The following TMEM132C variants were observed in gnomAD, a reference collection of about 807,000 sequenced individuals.
TMEM132C encodes the protein transmembrane protein 132C, also known as protein phosphatase 1, regulatory subunit 152.
TMEM132C carries 29 observed loss-of-function variants against 61.4 expected under a neutral mutation model. The observed-to-expected ratio is 0.47, with a 90% CI of 0.35 to 0.64. The LOEUF is 0.64. Among genes scored for constraint, TMEM132C ranks in the 30% least tolerant of loss-of-function variants. TMEM132C has a pLI of 0.00. For synonymous variants in TMEM132C, 656 were observed against 633.1 expected, an observed-to-expected ratio of 1.04 and a Z score of -0.54; for missense variants, 1,408 against 1,476.9, an observed-to-expected ratio of 0.95 and a Z score of 0.76.
intron 3 of TMEM132C, among the ~76,000 whole-genome samples, chr12:128,567,676 C>T (rs1565976473): frequency 1.3e-5 from 2 of 152,080 alleles, no homozygotes; most frequent in African/African-American, 4.8e-5. Context: ...TTCTGCTCTC[C>T]TCCACTGGAG....
intron 2 of TMEM132C, among the ~76,000 whole-genome samples, chr12:128,490,885 G>A (rs750053005): frequency 2.6e-5 from 4 of 152,168 alleles, no homozygotes; most frequent in Non-Finnish European, 4.4e-5. Flanking sequence ...TTTCTTTAGT[G>A]ATTACCCTCT....
At chr12:128,302,564 C>A (rs1322050404) in intron 1 of TMEM132C, among the ~76,000 whole-genome samples, 2 of 152,186 alleles carry the variant, frequency 1.3e-5, no homozygotes, top group African/African-American at 4.8e-5. Flanking sequence ...TAAAAGAGAT[C>A]ATGTAGCTCT....
intron 1 of TMEM132C, among the ~76,000 whole-genome samples, chr12:128,296,824 C>T (rs903284489): frequency 6.6e-6 from 1 of 152,096 alleles, no homozygotes; most frequent in African/African-American, 2.4e-5. Flanking sequence ...TTTAAAACAT[C>T]AGGGTTTGAT....
At chr12:128,399,013 G>T (rs576942687) in intron 1 of TMEM132C, among the ~76,000 whole-genome samples, 1 of 152,308 alleles carries the variant, frequency 6.6e-6, no homozygotes, top group South Asian at 2.1e-4. Flanking sequence ...ATCTTCTGGT[G>T]TATTCTTTTC....
At chr12:128,661,601 A>G (rs918162386) in intron 4 of TMEM132C, among the ~76,000 whole-genome samples, 6 of 151,910 alleles carry the variant, frequency 3.9e-5, no homozygotes, top group African/African-American at 1.2e-4. Flanking sequence ...ACATGGAGGG[A>G]TTCAGTTATT....
At chr12:128,427,416 G>GTA (rs1253513667) in intron 2 of TMEM132C, among the ~76,000 whole-genome samples, 117 of 90,432 alleles carry the variant, frequency 1.3e-3, no homozygotes, top group African/African-American at 3.6e-3. Flanking sequence ...GTGTGTGTGT[G>GTA]TGTGTGTGTG....
chr12:128,555,507 C>T (rs769525083), intron 3 of TMEM132C, among the ~76,000 whole-genome samples: 4 of 152,186 alleles, frequency 2.6e-5, no homozygotes, highest in African/African-American at 4.8e-5. Context: ...TCCCACTCCA[C>T]ACACGCAAAA....
intron 3 of TMEM132C, among the ~76,000 whole-genome samples, chr12:128,553,618 T>C (rs1459343269): frequency 2.6e-5 from 4 of 152,194 alleles, no homozygotes; most frequent in Admixed American, 2.6e-4. Flanking sequence ...ACCTGGGTTG[T>C]TTGTTCTCAG....
intron 4 of TMEM132C, among the ~76,000 whole-genome samples, chr12:128,620,067 CAAAAAAA>C (rs1953947286): frequency 2.0e-5 from 3 of 151,480 alleles, no homozygotes; most frequent in Admixed American, 1.3e-4. Context: ...CTCATTTCTA[CAAAAAAA>C]TACCAAAATT....
intron 3 of TMEM132C, among the ~76,000 whole-genome samples, chr12:128,584,583 TA>T (rs1190024072): frequency 2.0e-4 from 31 of 152,238 alleles, no homozygotes; most frequent in Non-Finnish European, 2.6e-4. Flanking sequence ...AATTGCTGTG[TA>T]ACAGGCATCC....
At chr12:128,269,725 T>TC (rs1432691194) in intron 1 of TMEM132C, among the ~76,000 whole-genome samples, 2 of 151,812 alleles carry the variant, frequency 1.3e-5, no homozygotes, top group East Asian at 1.9e-4. Context: ...AGCAGTTCAT[T>TC]CCCCCCTCGG....
At chr12:128,345,904 G>A (rs1311547143) in intron 1 of TMEM132C, among the ~76,000 whole-genome samples, 1 of 152,060 alleles carries the variant, frequency 6.6e-6, no homozygotes, top group Non-Finnish European at 1.5e-5. Flanking sequence ...GATCCCATTT[G>A]TCAGTTGTTG....
chr12:128,427,742 G>T (rs1231192614), intron 2 of TMEM132C, among the ~76,000 whole-genome samples: 1 of 152,176 alleles, frequency 6.6e-6, no homozygotes, highest in East Asian at 1.9e-4. Context: ...CCAGCTTGTG[G>T]CTCTCACTCA....
intron 2 of TMEM132C, among the ~76,000 whole-genome samples, chr12:128,457,593 T>A (rs1045033372): frequency 2.7e-5 from 4 of 149,700 alleles, no homozygotes; most frequent in East Asian, 2.0e-4. Context: ...AAAAAAAAAA[T>A]TAGGCAGTCT....
intron 1 of TMEM132C, among the ~76,000 whole-genome samples, chr12:128,408,088 G>A (rs1261686167): frequency 1.3e-5 from 2 of 152,094 alleles, no homozygotes; most frequent in African/African-American, 2.4e-5. Context: ...TTCAGAATGA[G>A]GCTCAACAGG....
chr12:128,621,465 G>A (rs1040323991), intron 4 of TMEM132C, among the ~76,000 whole-genome samples: 13 of 152,168 alleles, frequency 8.5e-5, no homozygotes, highest in South Asian at 4.1e-4. Context: ...ATAGCACCCC[G>A]TAGCCAAGGG....
chr12:128,664,112 G>C (rs10847660), intron 4 of TMEM132C, among the ~76,000 whole-genome samples: 1 of 128,294 alleles, frequency 7.8e-6, no homozygotes, highest in African/African-American at 3.2e-5. Context: ...ACAGGCACAC[G>C]CACCCGCACG....
At chr12:128,607,700 G>A (rs932487729) in intron 3 of TMEM132C, among the ~76,000 whole-genome samples, 17 of 152,186 alleles carry the variant, frequency 1.1e-4, no homozygotes, top group African/African-American at 2.9e-4. Flanking sequence ...CTCACATGAC[G>A]ACTGATGTCA....
Position 128,466,151 on chromosome 12 carries a change from C to T in TMEM132C, c.974+50531C>T, listed in dbSNP as rs191801750. On this transcript the variant is annotated intron_variant, in intron 2 of 8. Transcript: ENST00000435159. ...GGGCCCAGAAATGAGACAGCGATGC[C>T]GCTGCTGCGATGGAGAACTAGCCAG... Among the ~76,000 whole-genome samples the T allele has an allele frequency of 4.6e-5, 7 of 152,144 alleles. No individual in the cohort carries two copies. The East Asian group carries it at 9.7e-4, about 21-fold the overall frequency.
Sources: allele counts gnomAD v4.1 joint callset (sites outside exome capture counted in the v4.1 genomes callset), GRCh38; gene constraint gnomAD v4.1.1; transcripts MANE v1.5; gene names NCBI Gene and HGNC (gene_info 2026-07-23, HGNC 2026-07-21).